The following GPR183 variants were observed in gnomAD, a reference collection of about 807,000 sequenced individuals.
GPR183 encodes EBV-induced G-protein coupled receptor 2.
Under a neutral mutation model 19.7 loss-of-function variants are expected in GPR183, and 9 were observed. The ratio of observed to expected loss-of-function variants is 0.46; its 90% CI spans 0.28 to 0.80. The LOEUF (loss-of-function observed/expected upper bound fraction) is 0.80. Among genes scored for constraint, GPR183 ranks in the 30% least tolerant of loss-of-function variants. The pLI is 0.13. For synonymous variants in GPR183, 160 were observed against 155.1 expected (o/e 1.03, Z -0.24); for missense variants, 368 against 446.7 (o/e 0.82, Z 1.59).
Position 99,295,345 on chromosome 13 carries a change from A to T in GPR183, c.801T>A (p.His267Gln), listed in dbSNP as rs144820165. The T allele has an allele frequency of 3.5e-5, 57 of 1,614,144 alleles. No individual in the cohort carries two copies. In the African/African-American group the frequency reaches 6.3e-4, roughly 18 times the overall value. ...TAGAGAAACGAAGCTTCTTAATCAT[A>T]TGTTGAATAATTGCAACATGGTAAG... ...FTPYHVAIIQ[H>Q]MIKKLRFSNF... The change falls in exon 2 of 2, where the codon CAT (histidine) becomes CAA (glutamine). Residue 267 changes from histidine (H) to glutamine (Q), a missense_variant. Transcript: ENST00000376414. The surrounding 1 kb of genome is among the most constrained non-coding windows in gnomAD (Gnocchi z 4.1).
At chr13:99,305,716 A>C (rs1345863547) in intron 1 of GPR183, among the ~76,000 whole-genome samples, 3 of 152,224 alleles carry the variant, frequency 2.0e-5, no homozygotes, top group Non-Finnish European at 4.4e-5. Flanking sequence ...ATTGTCACTA[A>C]CGCGATACAT....
chr13:99,302,656 G>C (rs923111510), intron 1 of GPR183, among the ~76,000 whole-genome samples: 1 of 152,210 alleles, frequency 6.6e-6, no homozygotes, highest in South Asian at 2.1e-4. Flanking sequence ...GATTATGGGT[G>C]TTGTTTGCCT....
rs1450730232 is a variant in GPR183 at position 99,295,533 on chromosome 13, A to G, written c.613T>C (p.Tyr205His). Residue 205 changes from tyrosine (Y) to histidine (H), a missense_variant, in exon 2 of 2, where the codon TAT (tyrosine) becomes CAT (histidine). Coordinates refer to ENST00000376414, the MANE Select transcript of GPR183 (RefSeq NM_004951.5). This position sits in a 1 kb window ranked among gnomAD's most constrained non-coding sequence, Gnocchi z 4.1. ...AGAATGATTATAAGTGGAAGTACAT[A>G]TCCTATGAAACATGCCCCAAGCAGA... ...WILLGACFIG[Y>H]VLPLIIILIC... 1.2e-6 allele frequency: 2 copies of G among 1,613,888 alleles called. No individual in the cohort carries two copies. The highest frequency in any genetic ancestry group is 2.7e-5 in the African/African-American group (2 of 74,900).
intron 1 of GPR183, among the ~76,000 whole-genome samples, chr13:99,298,567 C>T (rs1035830230): frequency 4.6e-5 from 7 of 151,962 alleles, no homozygotes; most frequent in African/African-American, 1.4e-4. Context: ...GTTAAATATA[C>T]AGTTCAAGAA....
chr13:99,297,094 C>T (rs76436899), intron 1 of GPR183, among the ~76,000 whole-genome samples: 3,177 of 152,258 alleles, frequency 0.021, 108 homozygotes, highest in African/African-American at 0.065. Flanking sequence ...TGCTTAGCTA[C>T]TCCCTTGATG....
chr13:99,299,561 G>A (rs1348056602), intron 1 of GPR183, among the ~76,000 whole-genome samples: 3 of 152,030 alleles, frequency 2.0e-5, no homozygotes, highest in South Asian at 2.1e-4. Context: ...AATGCTGAAC[G>A]TTTCTATTCA....
chr13:99,296,991 TTCA>T (rs1194900383), intron 1 of GPR183, among the ~76,000 whole-genome samples: 1 of 152,204 alleles, frequency 6.6e-6, no homozygotes, highest in African/African-American at 2.4e-5. Flanking sequence ...ACCAAACATC[TTCA>T]TGTCAGTGCA....
intron 1 of GPR183, 25 bp from the exon 2 acceptor site, chr13:99,296,188 T>A: frequency 6.6e-7 from 1 of 1,521,616 alleles, no homozygotes; most frequent in South Asian, 1.3e-5. Flanking sequence ...AGAAGGATCA[T>A]ATAAGTAAAA....
intron 1 of GPR183, among the ~76,000 whole-genome samples, chr13:99,301,108 C>T (rs868754247): frequency 7.9e-5 from 12 of 152,194 alleles, no homozygotes; most frequent in Admixed American, 3.9e-4. Flanking sequence ...AGAATTATAG[C>T]TTCCTCATAA....
At chr13:99,299,270 G>A (rs1419884186) in intron 1 of GPR183, among the ~76,000 whole-genome samples, 1 of 152,188 alleles carries the variant, frequency 6.6e-6, no homozygotes, top group Non-Finnish European at 1.5e-5. Context: ...CCTTCATTAG[G>A]GGATTAAATA....
chr13:99,299,527 T>C (rs11838488), intron 1 of GPR183, among the ~76,000 whole-genome samples: 1,673 of 152,272 alleles, frequency 0.011, 36 homozygotes, highest in African/African-American at 0.039. Flanking sequence ...ATTTTGGGGC[T>C]TTACTCATAT....
chr13:99,303,808 G>C (rs1156708331), intron 1 of GPR183, among the ~76,000 whole-genome samples: 1 of 152,126 alleles, frequency 6.6e-6, no homozygotes, highest in East Asian at 1.9e-4. Flanking sequence ...TTATTTTATG[G>C]ATAAACTGAA....
intron 1 of GPR183, among the ~76,000 whole-genome samples, chr13:99,305,960 A>T (rs1417914035): frequency 6.6e-6 from 1 of 152,122 alleles, no homozygotes; most frequent in East Asian, 1.9e-4. Flanking sequence ...CAGTGGCGCA[A>T]TCTCGGCTCA....
intron 1 of GPR183, among the ~76,000 whole-genome samples, chr13:99,305,586 A>G (rs1213916567): frequency 6.6e-6 from 1 of 152,238 alleles, no homozygotes; most frequent in African/African-American, 2.4e-5. Flanking sequence ...TATAGAATAA[A>G]TAAATGAATT....
At position 99,295,045 on chromosome 13, in the gene GPR183, A is replaced by G; in HGVS notation, c.*15T>C. ...CATACAGTTTACGTCACTATAAACCAAAATACAATCCATTTCACTTTCCAT... is the reference window on the plus strand; with the variant it reads ...CATACAGTTTACGTCACTATAAACCGAAATACAATCCATTTCACTTTCCAT... On this transcript the variant is annotated 3_prime_UTR_variant, in exon 2 of 2. Transcript: ENST00000376414. The surrounding 1 kb of genome is among the most constrained non-coding windows in gnomAD (Gnocchi z 4.1). 1.2e-6 allele frequency: 2 copies of G among 1,607,678 alleles called. No homozygotes were observed. Among genetic ancestry groups the G allele is most frequent in the Non-Finnish European group, 1.7e-6 (2 of 1,176,756 alleles).
Position 99,295,868 on chromosome 13 carries a change from A to G in GPR183, c.278T>C (p.Met93Thr), listed in dbSNP as rs761576193. Residue 93 changes from methionine to threonine, a missense_variant, in exon 2 of 2, where the codon ATG becomes ACG. Physicochemically the swap from Met to Thr is moderately conservative, Grantham distance 81 (BLOSUM62 -1). Transcript: ENST00000376414. This position sits in a 1 kb window ranked among gnomAD's most constrained non-coding sequence, Gnocchi z 4.1. ...ALPTRIAYYAMGFDWRIGDAL... is the reference protein window; with the variant it reads ...ALPTRIAYYATGFDWRIGDAL... ...ATCTCCGATTCTCCAGTCAAAGCCC[A>G]TTGCATAGTAGGCTATTCGTGTAGG... 7.5e-6 allele frequency: 12 copies of G among 1,608,254 alleles called. No individual in the cohort carries two copies. The highest frequency in any genetic ancestry group is 1.0e-5 in the Non-Finnish European group (12 of 1,176,436).
At chr13:99,304,526 C>A (rs1272938832) in intron 1 of GPR183, among the ~76,000 whole-genome samples, 1 of 152,126 alleles carries the variant, frequency 6.6e-6, no homozygotes, top group South Asian at 2.1e-4. Flanking sequence ...TCAATAAATA[C>A]CCATTAGTTA....
At chr13:99,304,734 G>A (rs985049636) in intron 1 of GPR183, among the ~76,000 whole-genome samples, 1 of 152,176 alleles carries the variant, frequency 6.6e-6, no homozygotes, top group Non-Finnish European at 1.5e-5. Flanking sequence ...AAGGTGAAAC[G>A]GAGGCACCAG....
intron 1 of GPR183, among the ~76,000 whole-genome samples, chr13:99,304,055 G>A (rs969495813): frequency 1.3e-5 from 2 of 152,080 alleles, no homozygotes; most frequent in African/African-American, 2.4e-5. Context: ...GCTCTCAAAC[G>A]GGGCCCATCC....
Sources: gnomAD v4.1 joint callset for allele counts (sites outside exome capture counted in the v4.1 genomes callset) on GRCh38, gnomAD v4.1.1 for gene constraint, Gnocchi (gnomAD v3.1) non-coding constraint, MANE v1.5 for transcripts, NCBI Gene and HGNC (gene_info 2026-07-23, HGNC 2026-07-21) for gene names.